Variants in EHBP1 observed in about 807,000 individuals in gnomAD.
EHBP1 encodes the protein EH domain-binding protein 1.
A neutral mutation model predicts 144.0 loss-of-function variants in EHBP1; 55 were observed. That is an observed-to-expected ratio of 0.38 (90% CI 0.31 to 0.48). The LOEUF is 0.48. Ranked by LOEUF, EHBP1 falls within the 20% of genes least tolerant of loss-of-function variation. The pLI is 0.98. For missense variants in EHBP1, 1,200 were observed against 1,364.2 expected (o/e 0.88, Z 1.90); for synonymous variants, 469 against 472.7 (o/e 0.99, Z 0.10).
At chr2:62,687,796 A>C (rs2033768279) in intron 1 of EHBP1, among the ~76,000 whole-genome samples, 1 of 152,196 alleles carries the variant, frequency 6.6e-6, no homozygotes, top group Admixed American at 6.5e-5. Context: ...TGAAAAGATC[A>C]AGGAGACAAG....
intron 6 of EHBP1, among the ~76,000 whole-genome samples, chr2:62,829,710 T>C (rs2152641310): frequency 6.8e-6 from 1 of 146,878 alleles, no homozygotes; most frequent in South Asian, 2.1e-4. Context: ...TATAATAATA[T>C]ATAAATACGT....
chr2:62,877,237 A>G (rs1221810810), intron 10 of EHBP1, among the ~76,000 whole-genome samples: 1 of 152,220 alleles, frequency 6.6e-6, no homozygotes, highest in African/African-American at 2.4e-5. Context: ...CTTTAAGCCA[A>G]CAAAGATCAG....
intron 10 of EHBP1, among the ~76,000 whole-genome samples, chr2:62,925,951 C>T (rs1332274733): frequency 6.6e-6 from 1 of 152,094 alleles, no homozygotes; most frequent in Non-Finnish European, 1.5e-5. Flanking sequence ...CTAAAGCAAT[C>T]ATGAGCAAAA....
intron 5 of EHBP1, among the ~76,000 whole-genome samples, chr2:62,817,064 G>T (rs1209875986): frequency 6.6e-6 from 1 of 152,138 alleles, no homozygotes; most frequent in Non-Finnish European, 1.5e-5. Flanking sequence ...TGATGTAAAG[G>T]TACTTCAAAG....
intron 2 of EHBP1, among the ~76,000 whole-genome samples, chr2:62,746,933 A>C (rs1471092474): frequency 1.3e-5 from 2 of 152,072 alleles, no homozygotes; most frequent in Non-Finnish European, 2.9e-5. Context: ...ATGATTGGCT[A>C]TAATAATGTT....
intron 3 of EHBP1, among the ~76,000 whole-genome samples, chr2:62,758,964 A>C (rs2040532176): frequency 6.6e-6 from 1 of 152,258 alleles, no homozygotes; most frequent in Non-Finnish European, 1.5e-5. Context: ...TCACTGAAAT[A>C]TTTCAATTTT....
At chr2:62,840,123 A>C in intron 7 of EHBP1, among the ~76,000 whole-genome samples, 1 of 150,724 alleles carries the variant, frequency 6.6e-6, no homozygotes, top group Non-Finnish European at 1.5e-5. Context: ...ACAGCATGGT[A>C]CTGGTACCAA....
intron 8 of EHBP1, among the ~76,000 whole-genome samples, chr2:62,860,235 A>G: frequency 6.6e-6 from 1 of 152,202 alleles, no homozygotes; most frequent in East Asian, 1.9e-4. Flanking sequence ...CACGCCTGTA[A>G]TCTCAGCGCT....
chr2:62,946,300 TC>T (rs1395817146), intron 12 of EHBP1, among the ~76,000 whole-genome samples: 1 of 152,224 alleles, frequency 6.6e-6, no homozygotes, highest in Non-Finnish European at 1.5e-5. Context: ...TACATATTAC[TC>T]CATACAGAAG....
intron 10 of EHBP1, among the ~76,000 whole-genome samples, chr2:62,942,352 A>C (rs1482791281): frequency 6.6e-6 from 1 of 152,216 alleles, no homozygotes; most frequent in Non-Finnish European, 1.5e-5. Context: ...TCAAAAAGAA[A>C]CCGTATTTGT....
intron 8 of EHBP1, among the ~76,000 whole-genome samples, chr2:62,862,242 GT>G (rs1305960188): frequency 5.3e-5 from 8 of 152,152 alleles, no homozygotes; most frequent in Admixed American, 4.6e-4. Context: ...TTCATTTTAT[GT>G]TCTTTTCAAC....
intron 14 of EHBP1, among the ~76,000 whole-genome samples, chr2:62,958,241 G>T (rs1311159098): frequency 6.6e-6 from 1 of 152,172 alleles, no homozygotes; most frequent in African/African-American, 2.4e-5. Context: ...AAAAACACAT[G>T]GTTATTCGAA....
chr2:63,045,632 T>C lies in EHBP1; in HGVS notation c.*132T>C. The C allele has an allele frequency of 1.5e-6, 1 of 675,022 alleles. No individual in the cohort carries two copies. Among genetic ancestry groups the C allele is most frequent in the South Asian group, 1.9e-5 (1 of 53,152 alleles). The allele number at this position is 675,022 out of a possible 1,614,324, so 41.8% of individuals were successfully genotyped here. ...GGATTGTACTACTTTACCTCTACTT[T>C]ACCACCACCACCCTTTTCCTCCCTC... On this transcript the variant is annotated 3_prime_UTR_variant, in exon 23 of 23. Transcript: ENST00000431489. The surrounding 1 kb of genome is among the most constrained non-coding windows in gnomAD (Gnocchi z 5.7).
At chr2:62,936,851 G>A (rs2153056818) in intron 10 of EHBP1, among the ~76,000 whole-genome samples, 1 of 152,166 alleles carries the variant, frequency 6.6e-6, no homozygotes, top group South Asian at 2.1e-4. Flanking sequence ...GATAGTTTTT[G>A]GGTTCACCAA....
At chr2:62,682,915 A>G (rs941334349) in intron 1 of EHBP1, among the ~76,000 whole-genome samples, 2 of 152,224 alleles carry the variant, frequency 1.3e-5, no homozygotes, top group African/African-American at 4.8e-5. Context: ...CTAAACATGT[A>G]AATTTAATAC....
intron 7 of EHBP1, among the ~76,000 whole-genome samples, chr2:62,845,729 T>C (rs909666831): frequency 1.3e-5 from 2 of 150,022 alleles, no homozygotes; most frequent in Non-Finnish European, 3.0e-5. Flanking sequence ...CCAGGCTTGG[T>C]GGCATGCGCC....
In EHBP1 at chr2:62,684,929, T is replaced by C. The variant is rs2033668469; in HGVS notation, c.-296+10846T>C. Among the ~76,000 whole-genome samples the C allele has an allele frequency of 3.9e-5, 6 of 152,102 alleles. 1 individual carries two copies. In the South Asian group the frequency reaches 1.2e-3, roughly 32 times the overall value. ...GTCTCACAGCTCTGGAGGTTAGAAG[T>C]CTGAGATGGACTCACTTATATGTGG... On this transcript the variant is annotated intron_variant, in intron 1 of 22. Transcript: ENST00000405015.
At chr2:62,724,542 C>T (rs887048305) in intron 2 of EHBP1, among the ~76,000 whole-genome samples, 3 of 152,120 alleles carry the variant, frequency 2.0e-5, no homozygotes, top group Admixed American at 2.0e-4. Flanking sequence ...GGAAGGAAGG[C>T]ACTTTGGCTT....
At chr2:62,964,656 G>A (rs914215192) in intron 14 of EHBP1, among the ~76,000 whole-genome samples, 1 of 152,148 alleles carries the variant, frequency 6.6e-6, no homozygotes, top group Non-Finnish European at 1.5e-5. Context: ...GAGTGTCTTT[G>A]ATAGCAGTGA....
Sources: gnomAD v4.1 joint callset for allele counts (sites outside exome capture counted in the v4.1 genomes callset) on GRCh38, gnomAD v4.1.1 for gene constraint, Gnocchi (gnomAD v3.1) non-coding constraint, MANE v1.5 for transcripts, NCBI Gene and HGNC (gene_info 2026-07-23, HGNC 2026-07-21) for gene names.